ADGRE3: variants seen among roughly 807,000 people sequenced by gnomAD.
The protein encoded by ADGRE3 is EGF-like module receptor 3.
ADGRE3 carries 88 observed loss-of-function variants against 80.1 expected under a neutral mutation model. The ratio of observed to expected loss-of-function variants is 1.10; its 90% CI spans 0.93 to 1.31. The LOEUF (loss-of-function observed/expected upper bound fraction) is 1.31. Among genes scored for constraint, ADGRE3 ranks in the 40% most tolerant of loss-of-function variants. The probability of loss-of-function intolerance (pLI) is 0.00; values close to 1 mark genes in which losing one functional copy is unlikely to be tolerated. For missense variants in ADGRE3, 715 were observed against 776.5 expected, an observed-to-expected ratio of 0.92 and a Z score of 0.94; for synonymous variants, 281 against 294.8, an observed-to-expected ratio of 0.95 and a Z score of 0.48.
intron 14 of ADGRE3, among the ~76,000 whole-genome samples, chr19:14,628,349 G>A (rs1253860661): frequency 7.5e-6 from 1 of 133,366 alleles, no homozygotes. Context: ...GGTGGAGGCC[G>A]AAGAATCGCT....
At chr19:14,642,783 G>C (rs35969640) in intron 9 of ADGRE3, among the ~76,000 whole-genome samples, 31,363 of 152,054 alleles carry the variant, frequency 0.21, 3,543 homozygotes, top group African/African-American at 0.3. Context: ...AGTATTCCAT[G>C]GTGTATGTAT....
rs373306807 is a variant in ADGRE3, at chr19:14,643,144, GTT to G, written c.1050+962_1050+963del. Among the ~76,000 whole-genome samples, 22 of 124,078 alleles carry G rather than the reference GTT, an allele frequency of 1.8e-4. No homozygotes were observed. In the East Asian group the frequency reaches 2.6e-3, roughly 15 times the overall value. 81.4% of individuals were successfully genotyped at this position (124,078 alleles called of 152,430 possible). ...CATGATGTGGTTTATAGTAATCATG[GTT>G]TTTTTTTTTTTTTTTTTTTAGACAG... is the stretch of plus-strand genomic sequence containing the variant. On this transcript the variant is annotated intron_variant, in intron 9 of 15. Coordinates refer to ENST00000253673, the MANE Select transcript of ADGRE3 (RefSeq NM_032571.5).
chr19:14,666,464 C>T (rs1385615511), intron 2 of ADGRE3, among the ~76,000 whole-genome samples: 4 of 151,940 alleles, frequency 2.6e-5, no homozygotes, highest in Admixed American at 6.6e-5. Flanking sequence ...GCAGCCTCCA[C>T]CTCCTGGGTT....
chr19:14,626,013 G>A (rs1970728250), intron 14 of ADGRE3, among the ~76,000 whole-genome samples: 1 of 152,096 alleles, frequency 6.6e-6, no homozygotes, highest in Non-Finnish European at 1.5e-5. Context: ...GATGGATGTT[G>A]GTGATGGTTG....
Position 14,624,096 on chromosome 19 carries a change from C to CTT in ADGRE3, c.1920+1394_1920+1395dup, listed in dbSNP as rs760687394. Among the ~76,000 whole-genome samples, 91 of 139,838 alleles carry CTT rather than the reference C, an allele frequency of 6.5e-4. 3 individuals carry two copies. The highest frequency in any genetic ancestry group is 1.1e-3 in the South Asian group (5 of 4,428). 91.7% of individuals were successfully genotyped at this position (139,838 alleles called of 152,430 possible). On this transcript the variant is annotated intron_variant, in intron 15 of 15. Coordinates refer to ENST00000253673, the MANE Select transcript of ADGRE3 (RefSeq NM_032571.5). ...CTACAACGCCACCACACCTGGCTTCCTTTTTTTTTTTTTTTGAGACAGGGT... is the reference window on the plus strand; with the variant it reads ...CTACAACGCCACCACACCTGGCTTCCTTTTTTTTTTTTTTTTTGAGACAGGGT...
downstream of ADGRE3, among the ~76,000 whole-genome samples, chr19:14,617,398 C>CTTTCT (rs1415032512): frequency 1.3e-4 from 6 of 47,310 alleles, no homozygotes; most frequent in Non-Finnish European, 2.5e-4. Context: ...TTCTTTCTTT[C>CTTTCT]TTTTCTTTCT....
At chr19:14,637,493 A>G (rs1971124418) in intron 11 of ADGRE3, among the ~76,000 whole-genome samples, 1 of 150,810 alleles carries the variant, frequency 6.6e-6, no homozygotes. Flanking sequence ...TCCTGGGCTC[A>G]AGCAATCCTT....
At chr19:14,660,937 C>CTTTT (rs35730102) in intron 4 of ADGRE3, among the ~76,000 whole-genome samples, 32 of 83,498 alleles carry the variant, frequency 3.8e-4, no homozygotes, top group East Asian at 7.8e-4. Flanking sequence ...GTCATATTTC[C>CTTTT]TTTTTTTTTT....
chr19:14,669,091 A>G (rs1182044364), intron 1 of ADGRE3, among the ~76,000 whole-genome samples: 2 of 152,202 alleles, frequency 1.3e-5, no homozygotes, highest in South Asian at 2.1e-4. Flanking sequence ...AAATCATTAT[A>G]TAAAAAAGAC....
chr19:14,620,558 ATATATATATATTTTTTTTTTT>A (rs1970563595), intron 15 of ADGRE3, among the ~76,000 whole-genome samples: 1 of 23,584 alleles, frequency 4.2e-5, no homozygotes, highest in Non-Finnish European at 7.5e-5. Flanking sequence ...TTATATATAT[ATATATATATATTTTTTTTTTT>A]TTTTTTTTTT....
chr19:14,661,196 C>T (rs1320796686), intron 4 of ADGRE3, among the ~76,000 whole-genome samples: 2 of 152,180 alleles, frequency 1.3e-5, no homozygotes, highest in Non-Finnish European at 2.9e-5. Flanking sequence ...CCCGCCTTGG[C>T]CTCCCAAAGT....
At chr19:14,651,248 AC>A (rs765714041) in intron 6 of ADGRE3, 44 bp from the exon 7 acceptor site, 1 of 1,611,418 alleles carries the variant, frequency 6.2e-7, no homozygotes, top group Admixed American at 1.7e-5. Flanking sequence ...ATTGTAAGAA[AC>A]TTTAAAAATA....
chr19:14,632,473 G>A (rs974187002), intron 13 of ADGRE3, among the ~76,000 whole-genome samples: 8 of 152,164 alleles, frequency 5.3e-5, no homozygotes, highest in Admixed American at 5.2e-4. Flanking sequence ...GCAGCTGGGT[G>A]TTATCATGTG....
At chr19:14,638,363 C>T (rs1350126010) in intron 10 of ADGRE3, 23 bp from the exon 11 acceptor site, 1 of 1,590,736 alleles carries the variant, frequency 6.3e-7, no homozygotes, top group Non-Finnish European at 8.6e-7. Context: ...AAAGGGATGC[C>T]TGAAGGGGTT....
the ADGRE3 span, chr19:14,611,194 C>G: frequency 2.0e-5 from 3 of 151,778 alleles, no homozygotes; most frequent in Non-Finnish European, 2.9e-5. Flanking sequence ...CTATATTCAC[C>G]CCATGTCGTC....
At chr19:14,609,053 G>C in the ADGRE3 span, among the ~76,000 whole-genome samples, 2 of 152,094 alleles carry the variant, frequency 1.3e-5, 1 homozygote, top group Admixed American at 1.3e-4. Context: ...ACCCGTCTTG[G>C]CCTCCCAAAG....
chr19:14,671,011 A>C (rs565572740), intron 1 of ADGRE3, among the ~76,000 whole-genome samples: 3 of 152,208 alleles, frequency 2.0e-5, no homozygotes, highest in African/African-American at 7.2e-5. Flanking sequence ...CTGGAGCCTC[A>C]AAGTCCCGTA....
At chr19:14,654,942 AC>A in intron 6 of ADGRE3, 39 bp downstream of exon 6, 1 of 1,546,490 alleles carries the variant, frequency 6.5e-7, no homozygotes, top group South Asian at 1.2e-5. Context: ...CCAGCTGCTA[AC>A]CAGTCCCCAG....
intron 7 of ADGRE3, 48 bp from the exon 8 acceptor site, chr19:14,647,413 T>TC (rs773361938): frequency 1.3e-4 from 77 of 592,214 alleles, no homozygotes; most frequent in South Asian, 3.7e-4. Context: ...TTTCTTTCTT[T>TC]TTTTTTTTTT....
Sources: gnomAD v4.1 joint callset for allele counts (sites outside exome capture counted in the v4.1 genomes callset) on GRCh38, gnomAD v4.1.1 for gene constraint, MANE v1.5 for transcripts, NCBI Gene and HGNC (gene_info 2026-07-23, HGNC 2026-07-21) for gene names.